The following KCNK3 variants were observed in gnomAD, a reference collection of about 807,000 sequenced individuals.
KCNK3 encodes potassium two pore domain channel subfamily K member 3.
Under a neutral mutation model 27.3 loss-of-function variants are expected in KCNK3, and 9 were observed. The observed-to-expected ratio is 0.33, with a 90% CI of 0.20 to 0.57. The LOEUF (loss-of-function observed/expected upper bound fraction) is 0.57. Among genes scored for constraint, KCNK3 ranks in the 20% least tolerant of loss-of-function variants. The pLI, the probability that KCNK3 is intolerant of heterozygous loss-of-function variation, is 0.87. For synonymous variants in KCNK3, 278 were observed against 273.8 expected (o/e 1.02, Z -0.15); for missense variants, 391 against 577.7 (o/e 0.68, Z 3.31).
Position 26,721,544 on chromosome 2 carries a change from T to C in KCNK3, c.284-6123T>C, listed in dbSNP as rs1184106630. ...TCCCCACAACTGAGGGGCGGCTCCA[T>C]GTCTGTGCCTCAGGCGCCTGAGCTG... On this transcript the variant is annotated intron_variant, in intron 1 of 1. Coordinates refer to ENST00000302909, the MANE Select transcript of KCNK3 (RefSeq NM_002246.3). The surrounding 1 kb of genome is among the most constrained non-coding windows in gnomAD (Gnocchi z 4.3). 6.6e-6 allele frequency among the ~76,000 whole-genome samples: 1 copy of C among 152,216 alleles called. No individual in the cohort carries two copies. Among genetic ancestry groups the C allele is most frequent in the Non-Finnish European group, 1.5e-5 (1 of 68,028 alleles).
At position 26,693,486 on chromosome 2, in the gene KCNK3, C is replaced by A. The variant is rs1484586161; in HGVS notation, c.283+328C>A. Among the ~76,000 whole-genome samples the A allele has an allele frequency of 1.3e-5, 2 of 152,222 alleles. No individual in the cohort carries two copies. Among genetic ancestry groups the A allele is most frequent in the Non-Finnish European group, 1.5e-5 (1 of 68,036 alleles). On this transcript the variant is annotated intron_variant, in intron 1 of 1. Coordinates refer to ENST00000302909, the MANE Select transcript of KCNK3 (RefSeq NM_002246.3). This position sits in a 1 kb window ranked among gnomAD's most constrained non-coding sequence, Gnocchi z 5.5. The stretch of plus-strand genomic sequence containing the variant: ...GAGGCTCGGGCAGGAGGGGTGTGGC[C>A]GGGCCAGGCCCTGAACAGGGCGCTG...
At chr2:26,717,735 A>G (rs981847612) in intron 1 of KCNK3, among the ~76,000 whole-genome samples, 1 of 152,216 alleles carries the variant, frequency 6.6e-6, no homozygotes, top group Non-Finnish European at 1.5e-5. Context: ...GCCCCAGGTC[A>G]GGGCCCTGCC....
At chr2:26,696,811 G>A (rs1473956269) in intron 1 of KCNK3, among the ~76,000 whole-genome samples, 1 of 152,140 alleles carries the variant, frequency 6.6e-6, no homozygotes, top group African/African-American at 2.4e-5. Context: ...TGACAGATAA[G>A]GAGTCAGAGA....
chr2:26,716,070 G>A (rs1663226177), intron 1 of KCNK3, among the ~76,000 whole-genome samples: 1 of 152,200 alleles, frequency 6.6e-6, no homozygotes, highest in Admixed American at 6.5e-5. Context: ...CGTCTTGCCT[G>A]GGATCACACA....
chr2:26,719,181 G>A (rs1372444236), intron 1 of KCNK3, among the ~76,000 whole-genome samples: 1 of 152,094 alleles, frequency 6.6e-6, no homozygotes, highest in Non-Finnish European at 1.5e-5. Flanking sequence ...CTGATCTCTG[G>A]TTATTTTCCG....
intron 1 of KCNK3, among the ~76,000 whole-genome samples, chr2:26,699,802 G>A (rs372219287): frequency 2.6e-5 from 4 of 152,310 alleles, no homozygotes; most frequent in South Asian, 2.1e-4. Context: ...GCTCCAGGAC[G>A]GCAGGCGGCA....
At chr2:26,701,913 C>T (rs901895005) in intron 1 of KCNK3, among the ~76,000 whole-genome samples, 4 of 152,198 alleles carry the variant, frequency 2.6e-5, no homozygotes, top group African/African-American at 7.2e-5. Flanking sequence ...GTACTCCAGC[C>T]TGGGCAACAG....
intron 1 of KCNK3, among the ~76,000 whole-genome samples, chr2:26,710,882 A>G (rs1663099437): frequency 6.6e-6 from 1 of 152,214 alleles, no homozygotes; most frequent in South Asian, 2.1e-4. Context: ...TTAGCTCCCC[A>G]CATATCCCCG....
intron 1 of KCNK3, among the ~76,000 whole-genome samples, chr2:26,707,230 A>T (rs1042708133): frequency 4.6e-5 from 7 of 152,048 alleles, no homozygotes; most frequent in Admixed American, 1.3e-4. Context: ...GGAGCCTCCC[A>T]CCCGGACAGG....
chr2:26,705,163 C>T (rs1037865310), intron 1 of KCNK3, among the ~76,000 whole-genome samples: 40 of 152,130 alleles, frequency 2.6e-4, no homozygotes, highest in African/African-American at 9.7e-4. Context: ...CAGGGTCTTT[C>T]TATGTTGCCC....
chr2:26,695,901 C>T (rs545199590), intron 1 of KCNK3, among the ~76,000 whole-genome samples: 2 of 152,320 alleles, frequency 1.3e-5, no homozygotes, highest in South Asian at 2.1e-4. Context: ...TCCCTCCCTG[C>T]CCCACCTGAC....
At chr2:26,720,745 T>C (rs1216711947) in intron 1 of KCNK3, among the ~76,000 whole-genome samples, 1 of 151,574 alleles carries the variant, frequency 6.6e-6, no homozygotes, top group Non-Finnish European at 1.5e-5. Flanking sequence ...GGAGAGGAGA[T>C]GGGACAATGG....
chr2:26,723,864 C>A (rs1319954297), intron 1 of KCNK3, among the ~76,000 whole-genome samples: 2 of 152,210 alleles, frequency 1.3e-5, no homozygotes, highest in African/African-American at 2.4e-5. Context: ...AGAACATCTG[C>A]TCTGGTTGAT....
rs1051223964 is a variant in KCNK3, at chr2:26,733,314, G to A, written c.*4746G>A. ...CCATGGTATGCCTCGTGGAAAAAAT[G>A]GTTCGTTGGTCAAATGAATTTGGGA... On this transcript the variant is annotated 3_prime_UTR_variant, in exon 2 of 2. Coordinates refer to ENST00000302909, the MANE Select transcript of KCNK3 (RefSeq NM_002246.3). 2 of 152,148 alleles carry A rather than the reference G, an allele frequency of 1.3e-5. No individual in the cohort carries two copies. The highest frequency in any genetic ancestry group is 6.5e-5 in the Admixed American group (1 of 15,268). The allele number at this position is 152,148 out of a possible 1,614,324, so 9.4% of individuals were successfully genotyped here. A position where few individuals can be genotyped will look rare whatever the true frequency, so the allele number is the denominator to read the frequency against.
At position 26,732,210 on chromosome 2, in the gene KCNK3, A is replaced by G. The variant is rs557810924; in HGVS notation, c.*3642A>G. The G allele has an allele frequency of 6.6e-6, 1 of 152,276 alleles. No individual in the cohort carries two copies. The highest frequency in any genetic ancestry group is 2.1e-4 in the South Asian group (1 of 4,812). 9.4% of individuals were successfully genotyped at this position (152,276 alleles called of 1,614,324 possible). ...TTCATAGAGTACAATCCACAGTAAT[A>G]GCACACAGCTCTGTACCTATCTAGC... On this transcript the variant is annotated 3_prime_UTR_variant, in exon 2 of 2. Transcript: ENST00000302909.
intron 1 of KCNK3, among the ~76,000 whole-genome samples, chr2:26,697,251 C>A (rs1670246943): frequency 6.6e-6 from 1 of 152,186 alleles, no homozygotes; most frequent in Non-Finnish European, 1.5e-5. Context: ...GTAATCCCAG[C>A]ACTTTGGGAG....
At chr2:26,727,644 T>TC in intron 1 of KCNK3, 23 bp from the exon 2 acceptor site, 1 of 1,511,408 alleles carries the variant, frequency 6.6e-7, no homozygotes, top group Non-Finnish European at 8.8e-7. Flanking sequence ...GTGCTTTTTC[T>TC]CCTCTTTCCC....
chr2:26,704,458 T>A (rs1670346205), intron 1 of KCNK3, among the ~76,000 whole-genome samples: 1 of 152,160 alleles, frequency 6.6e-6, no homozygotes, highest in Admixed American at 6.5e-5. Flanking sequence ...GGACTCAGTG[T>A]CCCTCATCAG....
In KCNK3 at chr2:26,728,387, C is replaced by A; in HGVS notation, c.1004C>A (p.Thr335Lys). 1 of 1,607,200 alleles carries A rather than the reference C, an allele frequency of 6.2e-7. No homozygotes were observed. Among genetic ancestry groups the A allele is most frequent in the Non-Finnish European group, 8.5e-7 (1 of 1,177,168 alleles). The change falls in exon 2 of 2, where the codon ACG becomes AAG. Residue 335 changes from threonine to lysine, a missense_variant. By Grantham distance (78) the Thr-to-Lys change is moderately conservative. Coordinates refer to ENST00000302909, the MANE Select transcript of KCNK3 (RefSeq NM_002246.3). ...ATGATCATCCCGCGGGACCTCTCCACGTCCGACACGTGCGTGGAGCAGAGC... is the reference window on the plus strand; with the variant it reads ...ATGATCATCCCGCGGGACCTCTCCAAGTCCGACACGTGCGTGGAGCAGAGC... ...IPMIIPRDLS[T>K]SDTCVEQSHS...
Sources: gnomAD v4.1 joint callset for allele counts (sites outside exome capture counted in the v4.1 genomes callset) on GRCh38, gnomAD v4.1.1 for gene constraint, Gnocchi (gnomAD v3.1) non-coding constraint, MANE v1.5 for transcripts, NCBI Gene and HGNC (gene_info 2026-07-23, HGNC 2026-07-21) for gene names.